ASIC2: variants seen among roughly 807,000 people sequenced by gnomAD.
ASIC2 encodes acid-sensing ion channel 2.
A neutral mutation model predicts 57.3 loss-of-function variants in ASIC2; 25 were observed. The ratio of observed to expected loss-of-function variants is 0.44; its 90% CI spans 0.32 to 0.61. The LOEUF (loss-of-function observed/expected upper bound fraction) is 0.61, where lower values mean the gene tolerates loss of function less well. Ranked by LOEUF, ASIC2 falls within the 20% of genes least tolerant of loss-of-function variation. The pLI is 0.06. For missense variants in ASIC2, 641 were observed against 738.1 expected, an observed-to-expected ratio of 0.87 and a Z score of 1.52; for synonymous variants, 319 against 307.5, an observed-to-expected ratio of 1.04 and a Z score of -0.39.
intron 1 of ASIC2, among the ~76,000 whole-genome samples, chr17:33,751,520 C>A (rs966480053): frequency 2.6e-5 from 4 of 151,288 alleles, no homozygotes; most frequent in African/African-American, 7.4e-5. Flanking sequence ...GTAATTTTTT[C>A]AAGGACATAG....
intron 1 of ASIC2, among the ~76,000 whole-genome samples, chr17:33,255,164 C>T (rs1222021051): frequency 4.0e-5 from 6 of 151,398 alleles, no homozygotes; most frequent in East Asian, 2.0e-4. Flanking sequence ...CTCAGCCTCC[C>T]GAGTAGCTGG....
chr17:33,106,390 A>G (rs2092234441), intron 2 of ASIC2, among the ~76,000 whole-genome samples: 1 of 152,238 alleles, frequency 6.6e-6, no homozygotes, highest in African/African-American at 2.4e-5. Context: ...ATTTGATAAA[A>G]AAGTGTTTTT....
At chr17:33,527,616 G>A (rs1009612543) in intron 1 of ASIC2, among the ~76,000 whole-genome samples, 10 of 152,202 alleles carry the variant, frequency 6.6e-5, no homozygotes, top group East Asian at 3.9e-4. Context: ...GAGGGTCATC[G>A]TGAACAATGG....
At position 33,767,870 on chromosome 17, in the gene ASIC2, A is replaced by C. The variant is rs960303261; in HGVS notation, c.555+388108T>G. Reference sequence around the variant, plus strand: ...AATTTTACCCACCAATCTTGAGATAATTAACCCATTAACTGCTGCTTCACT... The same window carrying C: ...AATTTTACCCACCAATCTTGAGATACTTAACCCATTAACTGCTGCTTCACT... On this transcript the variant is annotated intron_variant, in intron 1 of 9. Coordinates refer to the ASIC2 transcript ENST00000359872. Among the ~76,000 whole-genome samples the C allele has an allele frequency of 5.3e-5, 8 of 152,248 alleles. No individual in the cohort carries two copies. In the South Asian group the frequency reaches 1.7e-3, roughly 31 times the overall value.
chr17:33,134,429 T>C (rs1173923063), intron 1 of ASIC2, among the ~76,000 whole-genome samples: 3 of 152,202 alleles, frequency 2.0e-5, no homozygotes, highest in Non-Finnish European at 2.9e-5. Flanking sequence ...CCACTCAGTA[T>C]TATGCCAGAT....
chr17:33,152,380 A>G (rs1378149047), intron 1 of ASIC2, among the ~76,000 whole-genome samples: 1 of 152,190 alleles, frequency 6.6e-6, no homozygotes, highest in Non-Finnish European at 1.5e-5. Context: ...AGTGTTTCAG[A>G]GGTGGAGGAG....
intron 2 of ASIC2, among the ~76,000 whole-genome samples, chr17:33,107,522 C>T (rs2092239788): frequency 6.6e-6 from 1 of 152,208 alleles, no homozygotes; most frequent in South Asian, 2.1e-4. Context: ...TCTAGGACCA[C>T]ATGCAACTGA....
At chr17:34,075,390 G>C (rs565708246) in intron 1 of ASIC2, among the ~76,000 whole-genome samples, 2 of 152,144 alleles carry the variant, frequency 1.3e-5, no homozygotes, top group Non-Finnish European at 2.9e-5. Flanking sequence ...GGCCCTTTCC[G>C]AGACACAGTT....
chr17:33,576,386 G>T (rs1916622622), intron 1 of ASIC2, among the ~76,000 whole-genome samples: 1 of 152,204 alleles, frequency 6.6e-6, no homozygotes, highest in Non-Finnish European at 1.5e-5. Context: ...ATGTGACTAG[G>T]TATGGGGAGC....
chr17:33,500,040 T>TA (rs138755090), intron 1 of ASIC2, among the ~76,000 whole-genome samples: 5,652 of 149,138 alleles, frequency 0.038, 328 homozygotes, highest in African/African-American at 0.13. Flanking sequence ...ACAGTTTAAT[T>TA]AAAAAAAAAG....
upstream of ASIC2, among the ~76,000 whole-genome samples, chr17:33,296,045 T>G (rs1341380104): frequency 6.6e-6 from 1 of 152,076 alleles, no homozygotes; most frequent in African/African-American, 2.4e-5. Context: ...CAACTCTAAC[T>G]CATTTCAAAG....
At chr17:33,861,679 G>T (rs1024361442) in intron 1 of ASIC2, among the ~76,000 whole-genome samples, 9 of 152,116 alleles carry the variant, frequency 5.9e-5, no homozygotes, top group African/African-American at 2.2e-4. Context: ...AGGTGAAAAG[G>T]CTATCACTGA....
At chr17:33,751,498 A>T (rs1910430571) in intron 1 of ASIC2, among the ~76,000 whole-genome samples, 1 of 152,128 alleles carries the variant, frequency 6.6e-6, no homozygotes, top group African/African-American at 2.4e-5. Flanking sequence ...GCTGAATTTG[A>T]GGTCTGAGAC....
At chr17:33,708,374 G>A (rs1908924469) in intron 1 of ASIC2, among the ~76,000 whole-genome samples, 1 of 151,756 alleles carries the variant, frequency 6.6e-6, no homozygotes, top group Non-Finnish European at 1.5e-5. Context: ...AAGTTATCTT[G>A]ATATTTCTCT....
In ASIC2 at chr17:33,338,730, C is replaced by T. The variant is rs149885597; in HGVS notation, c.556-226663G>A. On this transcript the variant is annotated intron_variant, in intron 1 of 9. Coordinates refer to the ASIC2 transcript ENST00000359872. ...AAATGGATAAGTAGTGTATCTGTGA[C>T]ATTAAAATTTCTTGGGTGGATAAGA... Among the ~76,000 whole-genome samples, 1,189 of 152,186 alleles carry T rather than the reference C, an allele frequency of 7.8e-3. 20 individuals carry two copies. Among genetic ancestry groups the T allele is most frequent in the African/African-American group, 0.027 (1,108 of 41,504 alleles).
intron 1 of ASIC2, among the ~76,000 whole-genome samples, chr17:33,174,247 C>A (rs1167219385): frequency 6.6e-6 from 1 of 152,074 alleles, no homozygotes; most frequent in Middle Eastern, 3.4e-3. Context: ...CATGGTAAAA[C>A]CCTGTCTCTA....
chr17:34,120,649 G>A (rs1911583226), intron 1 of ASIC2, among the ~76,000 whole-genome samples: 1 of 149,308 alleles, frequency 6.7e-6, no homozygotes, highest in African/African-American at 2.5e-5. Flanking sequence ...GGTCACTGCA[G>A]ATGTACTAGT....
intron 2 of ASIC2, among the ~76,000 whole-genome samples, chr17:33,108,244 C>T (rs1048422579): frequency 6.6e-6 from 1 of 152,172 alleles, no homozygotes; most frequent in Non-Finnish European, 1.5e-5. Context: ...CCTACACTGC[C>T]TCCATCATTA....
At chr17:33,868,585 AAAG>A (rs1914307654) in intron 1 of ASIC2, among the ~76,000 whole-genome samples, 1 of 152,182 alleles carries the variant, frequency 6.6e-6, no homozygotes. Flanking sequence ...ACAAGGAACA[AAAG>A]AAAAAATAGA....
Sources: gnomAD v4.1 joint callset for allele counts (sites outside exome capture counted in the v4.1 genomes callset) on GRCh38, gnomAD v4.1.1 for gene constraint, MANE v1.5 for transcripts, NCBI Gene and HGNC (gene_info 2026-07-23, HGNC 2026-07-21) for gene names.